CTNND2: variants seen among roughly 807,000 people sequenced by gnomAD.
The protein encoded by CTNND2 is catenin delta-2.
In CTNND2, 22 loss-of-function variants were observed where a neutral mutation model predicts 144.4. The observed-to-expected ratio is 0.15, with a 90% CI of 0.11 to 0.22. The LOEUF (loss-of-function observed/expected upper bound fraction) is 0.22. CTNND2 is among the 10% of genes least tolerant of loss of function. CTNND2 has a pLI of 1.00. For synonymous variants in CTNND2, 751 were observed against 695.6 expected (o/e 1.08, Z -1.25); for missense variants, 1,353 against 1,618.8 (o/e 0.84, Z 2.82).
intron 17 of CTNND2, among the ~76,000 whole-genome samples, chr5:11,021,373 G>A (rs1742236371): frequency 6.6e-6 from 1 of 152,140 alleles, no homozygotes; most frequent in Non-Finnish European, 1.5e-5. Context: ...GGGTGTGTAT[G>A]CTCAAGAAAG....
At chr5:11,824,157 T>C (rs961414849) in intron 1 of CTNND2, among the ~76,000 whole-genome samples, 1 of 151,822 alleles carries the variant, frequency 6.6e-6, no homozygotes, top group African/African-American at 2.4e-5. Context: ...AATTAAATGT[T>C]TAAAAAATTA....
At chr5:11,774,089 T>A (rs544210006) in intron 1 of CTNND2, among the ~76,000 whole-genome samples, 1 of 152,142 alleles carries the variant, frequency 6.6e-6, no homozygotes, top group Non-Finnish European at 1.5e-5. Context: ...GAAATTCAAG[T>A]AGTTGTTTTA....
intron 1 of CTNND2, among the ~76,000 whole-genome samples, chr5:11,737,122 T>A (rs1228143638): frequency 6.6e-6 from 1 of 152,198 alleles, no homozygotes; most frequent in East Asian, 1.9e-4. Flanking sequence ...GGAATCTGTG[T>A]ATTTTTCGGC....
chr5:11,149,385 C>T (rs536731916), intron 12 of CTNND2, among the ~76,000 whole-genome samples: 1 of 152,162 alleles, frequency 6.6e-6, no homozygotes, highest in Non-Finnish European at 1.5e-5. Context: ...GGTCTGGACA[C>T]GGAAGTCCAG....
At chr5:11,381,083 A>G (rs1311202117) in intron 7 of CTNND2, among the ~76,000 whole-genome samples, 1 of 152,044 alleles carries the variant, frequency 6.6e-6, no homozygotes, top group African/African-American at 2.4e-5. Flanking sequence ...TCTTACCTTC[A>G]TCACCTAGTG....
At chr5:11,499,001 T>A (rs1003120119) in intron 3 of CTNND2, among the ~76,000 whole-genome samples, 13 of 152,202 alleles carry the variant, frequency 8.5e-5, no homozygotes, top group Admixed American at 2.0e-4. Context: ...CTTCATGAGA[T>A]CTGGAATCCT....
At chr5:11,131,968 G>A (rs368376744) in intron 12 of CTNND2, among the ~76,000 whole-genome samples, 180 of 151,200 alleles carry the variant, frequency 1.2e-3, no homozygotes, top group African/African-American at 3.9e-3. Context: ...AGATGGTAAA[G>A]TTTTCCTTGA....
intron 16 of CTNND2, among the ~76,000 whole-genome samples, chr5:11,049,171 T>C (rs1396141663): frequency 2.6e-5 from 4 of 152,192 alleles, no homozygotes; most frequent in Non-Finnish European, 5.9e-5. Flanking sequence ...TTCAAGGAGC[T>C]AAAGGGAGGA....
At chr5:11,531,982 C>G (rs1426517103) in intron 3 of CTNND2, among the ~76,000 whole-genome samples, 1 of 152,162 alleles carries the variant, frequency 6.6e-6, no homozygotes, top group Non-Finnish European at 1.5e-5. Flanking sequence ...CAAACTGTTC[C>G]CCCAGCTGCT....
chr5:11,417,869 A>G (rs1026379816), intron 3 of CTNND2, among the ~76,000 whole-genome samples: 1 of 152,200 alleles, frequency 6.6e-6, no homozygotes, highest in Non-Finnish European at 1.5e-5. Flanking sequence ...ACATTGTTGT[A>G]ATAGCAAGAC....
At chr5:11,832,531 A>G (rs1793962787) in intron 1 of CTNND2, among the ~76,000 whole-genome samples, 2 of 152,232 alleles carry the variant, frequency 1.3e-5, no homozygotes. Context: ...AAGAAGAGAG[A>G]CAGTTAGAAA....
chr5:11,866,635 C>A (rs770254296), intron 1 of CTNND2, among the ~76,000 whole-genome samples: 1 of 152,188 alleles, frequency 6.6e-6, no homozygotes, highest in Non-Finnish European at 1.5e-5. Context: ...CCTGGCACAT[C>A]CTACGTGCTA....
At chr5:11,498,363 G>A (rs1227227067) in intron 3 of CTNND2, among the ~76,000 whole-genome samples, 4 of 152,080 alleles carry the variant, frequency 2.6e-5, no homozygotes, top group African/African-American at 9.7e-5. Context: ...GTGCAGCATG[G>A]GAACCTTGAT....
At chr5:10,997,584 C>T (rs2149508760) in intron 18 of CTNND2, among the ~76,000 whole-genome samples, 1 of 144,278 alleles carries the variant, frequency 6.9e-6, no homozygotes, top group South Asian at 2.1e-4. Flanking sequence ...GAGCTAGACT[C>T]CATCTTAAAA....
chr5:11,708,444 T>C (rs1785840394), intron 2 of CTNND2, among the ~76,000 whole-genome samples: 3 of 152,210 alleles, frequency 2.0e-5, no homozygotes, highest in South Asian at 4.1e-4. Context: ...TGGTTCTCTC[T>C]AGATATTGGA....
intron 15 of CTNND2, among the ~76,000 whole-genome samples, chr5:11,087,513 C>T (rs1462688025): frequency 6.6e-6 from 1 of 152,116 alleles, no homozygotes; most frequent in Non-Finnish European, 1.5e-5. Flanking sequence ...AGCACAAGGT[C>T]CTTCAAATGA....
At chr5:11,825,726 G>T (rs2126951071) in intron 1 of CTNND2, among the ~76,000 whole-genome samples, 1 of 151,938 alleles carries the variant, frequency 6.6e-6, no homozygotes, top group East Asian at 1.9e-4. Flanking sequence ...ACTTATGCTG[G>T]TAGACAGAAT....
chr5:11,272,789 A>G (rs1299851496), intron 9 of CTNND2, among the ~76,000 whole-genome samples: 1 of 152,200 alleles, frequency 6.6e-6, no homozygotes, highest in Non-Finnish European at 1.5e-5. Flanking sequence ...CAAAGTATCT[A>G]CTTTTATAAT....
intron 2 of CTNND2, among the ~76,000 whole-genome samples, chr5:11,729,637 A>G (rs1787223682): frequency 6.6e-6 from 1 of 152,212 alleles, no homozygotes; most frequent in Admixed American, 6.5e-5. Context: ...ATAATTTTAT[A>G]ATAAATTTCG....
Sources: gnomAD v4.1 joint callset for allele counts (sites outside exome capture counted in the v4.1 genomes callset) on GRCh38, gnomAD v4.1.1 for gene constraint, MANE v1.5 for transcripts, NCBI Gene and HGNC (gene_info 2026-07-23, HGNC 2026-07-21) for gene names.